Variants in EFTUD2 observed in about 807,000 individuals in gnomAD.
The protein encoded by EFTUD2 is 116 kDa U5 small nuclear ribonucleoprotein component.
Under a neutral mutation model 114.3 loss-of-function variants are expected in EFTUD2, and 9 were observed. That is an observed-to-expected ratio of 0.08 (90% CI 0.05 to 0.14). The LOEUF (loss-of-function observed/expected upper bound fraction) is 0.14, where lower values mean the gene tolerates loss of function less well. Among genes scored for constraint, EFTUD2 ranks in the 10% least tolerant of loss-of-function variants. EFTUD2 has a pLI of 1.00. For synonymous variants in EFTUD2, 449 were observed against 462.3 expected, an observed-to-expected ratio of 0.97 and a Z score of 0.37; for missense variants, 765 against 1,241.2, an observed-to-expected ratio of 0.62 and a Z score of 5.76.
At chr17:44,882,177 C>G (rs2051083684) in intron 6 of EFTUD2, among the ~76,000 whole-genome samples, 1 of 150,366 alleles carries the variant, frequency 6.7e-6, no homozygotes, top group Non-Finnish European at 1.5e-5. Context: ...CATGTGATCC[C>G]CCCGGCTCAG....
chr17:44,898,645 C>T (rs2051446567), intron 1 of EFTUD2, among the ~76,000 whole-genome samples: 1 of 152,186 alleles, frequency 6.6e-6, no homozygotes. Flanking sequence ...TCACCTTGTT[C>T]CTTTATTTCA....
rs528299306 is a variant in EFTUD2 at position 44,857,920 on chromosome 17, C to CTTTTTTT, written c.1963-770_1963-764dup. The stretch of plus-strand genomic sequence containing the variant: ...CTTGGGAGCCTTTATTTTCTTTTTC[C>CTTTTTTT]TTTTTTTTTTTTTTTTTTTGAGACA... On this transcript the variant is annotated intron_variant, in intron 19 of 27. Coordinates refer to ENST00000426333, the MANE Select transcript of EFTUD2 (RefSeq NM_004247.4). Among the ~76,000 whole-genome samples, 706 of 127,466 alleles carry CTTTTTTT rather than the reference C, an allele frequency of 5.5e-3. 5 individuals are homozygous for CTTTTTTT. The highest frequency in any genetic ancestry group is 7.6e-3 in the Non-Finnish European group (463 of 61,282). 83.6% of individuals were successfully genotyped at this position (127,466 alleles called of 152,430 possible).
Position 44,872,439 on chromosome 17 carries a change from C to T in EFTUD2, c.994+7G>A, listed in dbSNP as rs374041284. 5.0e-4 allele frequency: 800 copies of T among 1,611,192 alleles called. 1 individual carries two copies. Among genetic ancestry groups the T allele is most frequent in the Admixed American group, 1.0e-3 (60 of 59,904 alleles). On this transcript the variant is annotated splice_region_variant and intron_variant, in intron 11 of 27. Transcript: ENST00000426333. ...GCTGGTGAGACAGACTGCCAGCCAG[C>T]GCTTACCAAAGGTGTCGGCATAGAT...
chr17:44,859,877 T>C (rs1218109635), intron 18 of EFTUD2, 28 bp downstream of exon 18: 15 of 1,613,564 alleles, frequency 9.3e-6, no homozygotes, highest in Non-Finnish European at 1.3e-5. Flanking sequence ...TAGTGGGGCT[T>C]GGCGGCTGCT....
Position 44,854,673 on chromosome 17 carries a change from C to T in EFTUD2, c.2142G>A (p.Leu714=). 1.9e-6 allele frequency: 3 copies of T among 1,613,254 alleles called. No homozygotes were observed. The highest frequency in any genetic ancestry group is 2.5e-6 in the Non-Finnish European group (3 of 1,179,444). ...VVQITWNRKK[L]GEFFQTKYDW... is the part of the protein sequence containing the mutation. ...CGTACTTGGTCTGGAAGAACTCTCC[C>T]AGCTTCTTCCTGGGGAAGGGAGGAG... is the stretch of plus-strand genomic sequence containing the variant. The change falls in exon 22 of 28, where the codon CTG becomes CTA. Residue 714 remains leucine, a synonymous_variant. Coordinates refer to ENST00000426333, the MANE Select transcript of EFTUD2 (RefSeq NM_004247.4). This position sits in a 1 kb window ranked among gnomAD's most constrained non-coding sequence, Gnocchi z 4.3.
At chr17:44,862,161 G>A (rs1388974825) in intron 16 of EFTUD2, among the ~76,000 whole-genome samples, 1 of 152,220 alleles carries the variant, frequency 6.6e-6, no homozygotes, top group Non-Finnish European at 1.5e-5. Context: ...AAGATGGTGT[G>A]TGGTGGCTCA....
chr17:44,859,591 T>A, intron 18 of EFTUD2: 1 of 515,676 alleles, frequency 1.9e-6, no homozygotes. Flanking sequence ...AGTATACTCA[T>A]TAAGAAATGT....
At position 44,863,062 on chromosome 17, in the gene EFTUD2, CTG is replaced by C. The variant is rs1311549734; in HGVS notation, c.1414-158_1414-157del. ...CCAAACCATGTTCTACCCCATCCCTCTGAGAAGGATGAATAGGAGACATGGCA... is the reference window on the plus strand; with the variant it reads ...CCAAACCATGTTCTACCCCATCCCTCAGAAGGATGAATAGGAGACATGGCA... On this transcript the variant is annotated intron_variant, in intron 15 of 27. Coordinates refer to ENST00000426333, the MANE Select transcript of EFTUD2 (RefSeq NM_004247.4). The C allele has an allele frequency of 1.4e-5, 8 of 561,870 alleles. No homozygotes were observed. In the East Asian group the frequency reaches 1.8e-4, roughly 13 times the overall value. The allele number at this position is 561,870 out of a possible 1,614,324, so 34.8% of individuals were successfully genotyped here.
intron 11 of EFTUD2, among the ~76,000 whole-genome samples, chr17:44,871,568 C>T (rs1352550472): frequency 2.7e-5 from 4 of 150,306 alleles, no homozygotes; most frequent in South Asian, 2.1e-4. Context: ...CTTGATCTCC[C>T]GACCTCGTGA....
At chr17:44,876,937 A>C (rs1162149719) in intron 9 of EFTUD2, among the ~76,000 whole-genome samples, 2 of 151,064 alleles carry the variant, frequency 1.3e-5, no homozygotes, top group Non-Finnish European at 2.9e-5. Flanking sequence ...TCACACCTGT[A>C]ATCCCAGCAT....
intron 26 of EFTUD2, among the ~76,000 whole-genome samples, 156 bp downstream of exon 26, chr17:44,852,253 C>G (rs1001115814): frequency 4.0e-5 from 6 of 151,114 alleles, no homozygotes; most frequent in Non-Finnish European, 7.4e-5. Flanking sequence ...CTGAGAGACA[C>G]AGATTCAAGT....
intron 3 of EFTUD2, among the ~76,000 whole-genome samples, chr17:44,886,196 C>T (rs2051169033): frequency 1.3e-5 from 2 of 151,848 alleles, no homozygotes. Flanking sequence ...ATTGTGCCAC[C>T]GTAATCCAGC....
At chr17:44,888,329 T>C (rs867399495) in intron 2 of EFTUD2, among the ~76,000 whole-genome samples, 22 of 152,304 alleles carry the variant, frequency 1.4e-4, no homozygotes, top group East Asian at 1.2e-3. Flanking sequence ...GTAGAGGCCA[T>C]GGATGCTGCT....
At chr17:44,883,619 T>C in intron 5 of EFTUD2, 30 bp downstream of exon 5, 1 of 1,601,394 alleles carries the variant, frequency 6.2e-7, no homozygotes, top group African/African-American at 1.3e-5. Context: ...AGAGAAATCC[T>C]GTTCCAAGTA....
At chr17:44,894,372 T>C (rs757545554) in intron 2 of EFTUD2, 45 bp downstream of exon 2, 1 of 1,479,622 alleles carries the variant, frequency 6.8e-7, no homozygotes, top group South Asian at 1.1e-5. Flanking sequence ...TTGTCTTAAA[T>C]AAAATAAATA....
At chr17:44,860,377 G>C (rs1454193856) in intron 17 of EFTUD2, 55 bp downstream of exon 17, 4 of 1,225,750 alleles carry the variant, frequency 3.3e-6, no homozygotes, top group African/African-American at 3.0e-5. Flanking sequence ...GCTCATGTGT[G>C]TCCCTGGGAC....
chr17:44,879,832 C>T (rs1256100270), intron 8 of EFTUD2, among the ~76,000 whole-genome samples, 194 bp from the exon 9 acceptor site: 2 of 152,060 alleles, frequency 1.3e-5, no homozygotes, highest in Non-Finnish European at 2.9e-5. Context: ...CTACGGGAGG[C>T]TCCCTACATA....
At chr17:44,860,204 C>G in intron 17 of EFTUD2, 159 bp from the exon 18 acceptor site, 1 of 994,312 alleles carries the variant, frequency 1.0e-6, no homozygotes, top group Non-Finnish European at 1.5e-6. Context: ...GCCATTTCTT[C>G]CCAGGTATTC....
chr17:44,874,477 C>A (rs1261461800), intron 10 of EFTUD2, among the ~76,000 whole-genome samples: 1 of 152,174 alleles, frequency 6.6e-6, no homozygotes, highest in East Asian at 1.9e-4. Flanking sequence ...ACTGGGAAGG[C>A]TCCTGAAGGT....
Sources: allele counts gnomAD v4.1 joint callset (sites outside exome capture counted in the v4.1 genomes callset), GRCh38; gene constraint gnomAD v4.1.1; non-coding constraint Gnocchi (gnomAD v3.1); transcripts MANE v1.5; gene names NCBI Gene and HGNC (gene_info 2026-07-23, HGNC 2026-07-21).